Variants in MACROD2 observed in about 807,000 individuals in gnomAD.
MACROD2 encodes mono-ADP ribosylhydrolase 2, also known as ADP-ribose glycohydrolase MACROD2.
MACROD2 carries 36 observed loss-of-function variants against 70.4 expected under a neutral mutation model. The ratio of observed to expected loss-of-function variants is 0.51; its 90% CI spans 0.39 to 0.68. The LOEUF is 0.68. Among genes scored for constraint, MACROD2 ranks in the 30% least tolerant of loss-of-function variants. The pLI is 0.00. For missense variants in MACROD2, 496 were observed against 538.4 expected, an observed-to-expected ratio of 0.92 and a Z score of 0.78; for synonymous variants, 172 against 178.8, an observed-to-expected ratio of 0.96 and a Z score of 0.30.
chr20:14,241,731 T>C (rs1446720830), intron 3 of MACROD2, among the ~76,000 whole-genome samples: 2 of 152,058 alleles, frequency 1.3e-5, no homozygotes, highest in East Asian at 3.9e-4. Context: ...GGCTAGTGAG[T>C]GGGAATATCC....
chr20:15,057,947 G>T lies in MACROD2; in HGVS notation c.419-171993G>T, dbSNP rs986424461. Among the ~76,000 whole-genome samples the T allele has an allele frequency of 4.6e-5, 7 of 152,038 alleles. No homozygotes were observed. In the South Asian group the frequency reaches 1.0e-3, roughly 23 times the overall value. ...TTGATTTGTCTATGACTTTCCTGTT[G>T]ATCCTGAGATAGTAAAATACCCTGT... On this transcript the variant is annotated intron_variant, in intron 5 of 17. Coordinates refer to ENST00000684519, the MANE Select transcript of MACROD2 (RefSeq NM_001351661.2).
At chr20:15,324,322 A>G (rs2077904362) in intron 6 of MACROD2, among the ~76,000 whole-genome samples, 1 of 152,086 alleles carries the variant, frequency 6.6e-6, no homozygotes, top group Non-Finnish European at 1.5e-5. Context: ...TCAGTCTTTG[A>G]TTGTATACAT....
intron 3 of MACROD2, among the ~76,000 whole-genome samples, chr20:14,150,521 C>T (rs2055004081): frequency 6.6e-6 from 1 of 152,122 alleles, no homozygotes; most frequent in Non-Finnish European, 1.5e-5. Context: ...TACTTTTTCC[C>T]TCAGCAGACT....
At position 15,230,081 on chromosome 20, in the gene MACROD2, T is replaced by A; in HGVS notation, c.540+20T>A. On this transcript the variant is annotated intron_variant, in intron 6 of 17. Transcript: ENST00000684519. ...TCAGTTGTAAGTAATTTTATGTTTT[T>A]TATTTCTCACTCTTTTTCAACCTTT... 6.2e-7 allele frequency: 1 copy of A among 1,608,326 alleles called. No homozygotes were observed. Among genetic ancestry groups the A allele is most frequent in the Non-Finnish European group, 8.5e-7 (1 of 1,176,628 alleles).
intron 6 of MACROD2, among the ~76,000 whole-genome samples, chr20:15,426,006 G>C (rs748154497): frequency 2.6e-5 from 4 of 152,266 alleles, no homozygotes; most frequent in East Asian, 3.9e-4. Context: ...AAATGAAGAC[G>C]GACTTTCAAG....
chr20:15,021,070 A>ACG (rs1491428874), intron 5 of MACROD2, among the ~76,000 whole-genome samples: 5 of 141,204 alleles, frequency 3.5e-5, no homozygotes, highest in Admixed American at 3.4e-4. Context: ...ATGTATACAC[A>ACG]TGTGTGTATG....
chr20:14,948,299 A>T (rs13037508), intron 5 of MACROD2, among the ~76,000 whole-genome samples: 39,742 of 152,056 alleles, frequency 0.26, 6,549 homozygotes, highest in Middle Eastern at 0.36. Flanking sequence ...AAATATTTTC[A>T]TTTCTTCACA....
Position 14,230,631 on chromosome 20 carries a change from TTATA to T in MACROD2, c.271+144924_271+144927del, listed in dbSNP as rs71190119. Among the ~76,000 whole-genome samples the T allele has an allele frequency of 2.8e-3, 266 of 94,250 alleles. 25 individuals carry two copies. The highest frequency in any genetic ancestry group is 0.014 in the African/African-American group (258 of 18,112). 61.8% of individuals were successfully genotyped at this position (94,250 alleles called of 152,430 possible). On this transcript the variant is annotated intron_variant, in intron 3 of 17. Coordinates refer to ENST00000684519, the MANE Select transcript of MACROD2 (RefSeq NM_001351661.2). Reference sequence around the variant, plus strand: ...ACTTCTTCCAAACTCTCATTCATGTTTATATATATATATATATATATATAACACA... The same window carrying T: ...ACTTCTTCCAAACTCTCATTCATGTTTATATATATATATATATATAACACA...
chr20:14,209,692 C>T (rs896697129), intron 3 of MACROD2, among the ~76,000 whole-genome samples: 1 of 151,992 alleles, frequency 6.6e-6, no homozygotes, highest in Non-Finnish European at 1.5e-5. Flanking sequence ...TCCAAGGTTA[C>T]CCTAGGTACT....
chr20:14,588,218 T>G (rs1314379507), intron 4 of MACROD2, among the ~76,000 whole-genome samples: 1 of 152,158 alleles, frequency 6.6e-6, no homozygotes, highest in Admixed American at 6.5e-5. Flanking sequence ...CTCTGGTTTT[T>G]AAATCTTCTT....
intron 10 of MACROD2, among the ~76,000 whole-genome samples, chr20:15,924,925 AG>A (rs547150024): frequency 6.6e-6 from 1 of 152,356 alleles, no homozygotes; most frequent in African/African-American, 2.4e-5. Context: ...GACAATACAG[AG>A]AAATGTAATT....
At chr20:14,512,387 G>A (rs535559539) in intron 4 of MACROD2, among the ~76,000 whole-genome samples, 2 of 152,224 alleles carry the variant, frequency 1.3e-5, no homozygotes, top group African/African-American at 4.8e-5. Flanking sequence ...AACAACCAAG[G>A]CTTGGGGGTG....
intron 12 of MACROD2, among the ~76,000 whole-genome samples, chr20:15,962,275 AAG>A (rs532048731): frequency 1.5e-3 from 231 of 152,350 alleles, no homozygotes; most frequent in African/African-American, 4.9e-3. Flanking sequence ...TGCTGGAACA[AAG>A]AGATAATTTG....
At chr20:15,327,611 G>T (rs2077945070) in intron 6 of MACROD2, among the ~76,000 whole-genome samples, 1 of 152,002 alleles carries the variant, frequency 6.6e-6, no homozygotes, top group South Asian at 2.1e-4. Flanking sequence ...CAGCATGGGG[G>T]TAACTGCCCC....
intron 3 of MACROD2, chr20:14,327,651 TA>T: frequency 1.1e-6 from 1 of 899,918 alleles, no homozygotes; most frequent in Non-Finnish European, 1.6e-6. Context: ...AAAATATCCA[TA>T]ATCACTTTTA....
intron 5 of MACROD2, among the ~76,000 whole-genome samples, chr20:15,191,015 G>A (rs2076566974): frequency 6.6e-6 from 1 of 152,180 alleles, no homozygotes; most frequent in African/African-American, 2.4e-5. Flanking sequence ...TGGTCAGCAA[G>A]GCCGCAGTGC....
At chr20:14,578,850 C>T (rs1228851399) in intron 4 of MACROD2, among the ~76,000 whole-genome samples, 2 of 152,176 alleles carry the variant, frequency 1.3e-5, no homozygotes, top group Non-Finnish European at 2.9e-5. Context: ...TGCTATTTTA[C>T]AGGGAGGAGC....
intron 6 of MACROD2, among the ~76,000 whole-genome samples, chr20:15,385,361 T>G (rs2045698775): frequency 6.6e-6 from 1 of 152,228 alleles, no homozygotes; most frequent in African/African-American, 2.4e-5. Context: ...TATATCCATT[T>G]GTCTTTAGCA....
chr20:15,538,234 C>A (rs2047903243), intron 8 of MACROD2, among the ~76,000 whole-genome samples: 1 of 152,092 alleles, frequency 6.6e-6, no homozygotes, highest in East Asian at 1.9e-4. Context: ...TGAGTGCCTA[C>A]AATGTACATG....
Sources: gnomAD v4.1 joint callset for allele counts (sites outside exome capture counted in the v4.1 genomes callset) on GRCh38, gnomAD v4.1.1 for gene constraint, MANE v1.5 for transcripts, NCBI Gene and HGNC (gene_info 2026-07-23, HGNC 2026-07-21) for gene names.